CCNH: variants seen among roughly 807,000 people sequenced by gnomAD.
CCNH encodes the protein cyclin H.
A neutral mutation model predicts 41.9 loss-of-function variants in CCNH; 31 were observed. The ratio of observed to expected loss-of-function variants is 0.74; its 90% CI spans 0.56 to 1.00. CCNH has a LOEUF of 1.00. CCNH is among the 50% of genes least tolerant of loss of function. The pLI, the probability that CCNH is intolerant of heterozygous loss-of-function variation, is 0.00. For synonymous variants in CCNH, 138 were observed against 136.1 expected, an observed-to-expected ratio of 1.01 and a Z score of -0.10; for missense variants, 362 against 388.4, an observed-to-expected ratio of 0.93 and a Z score of 0.57.
upstream of CCNH, among the ~76,000 whole-genome samples, chr5:87,380,949 C>T (rs1161124561): frequency 6.6e-6 from 1 of 152,136 alleles, no homozygotes; most frequent in Non-Finnish European, 1.5e-5. Context: ...CAGTAATTGA[C>T]CGATTTAGAT....
intron 9 of CCNH, among the ~76,000 whole-genome samples, chr5:87,335,419 GTTTTT>G (rs34986349): frequency 4.1e-5 from 3 of 72,888 alleles, no homozygotes; most frequent in African/African-American, 1.1e-4. Context: ...AAAGAATGAG[GTTTTT>G]TTTTTTTTTT....
downstream of CCNH, chr5:87,394,154 T>TA (rs898862560): frequency 2.2e-5 from 17 of 758,318 alleles, no homozygotes; most frequent in South Asian, 5.5e-5. Context: ...GTGCCTTTTT[T>TA]AAAAAAAGCA....
chr5:87,352,498 TA>T (rs1429022938), intron 9 of CCNH, among the ~76,000 whole-genome samples: 1 of 151,668 alleles, frequency 6.6e-6, no homozygotes, highest in Non-Finnish European at 1.5e-5. Flanking sequence ...ACTTTATATT[TA>T]AAAAAATACG....
intron 9 of CCNH, chr5:87,383,678 T>TAAAAA: frequency 1.5e-6 from 2 of 1,319,658 alleles, no homozygotes; most frequent in Non-Finnish European, 1.0e-6. Context: ...AGGTGTTTTC[T>TAAAAA]AAAAAAAAAA....
Position 87,403,464 on chromosome 5 carries a change from G to A in CCNH, c.689+1380C>T, listed in dbSNP as rs3093810. Among the ~76,000 whole-genome samples, 403 of 152,202 alleles carry A rather than the reference G, an allele frequency of 2.6e-3. 4 individuals are homozygous for A. Among genetic ancestry groups the A allele is most frequent in the East Asian group, 7.7e-3 (40 of 5,186 alleles). On this transcript the variant is annotated intron_variant, in intron 5 of 8. Transcript: ENST00000256897. The stretch of plus-strand genomic sequence containing the variant: ...TGGTTATTTGAATTGTGGAAAAGAG[G>A]ACTTTTGTTCCCTTACAGAATGAAG...
chr5:87,378,326 C>T (rs1580390290), upstream of CCNH: 2 of 1,551,746 alleles, frequency 1.3e-6, no homozygotes, highest in East Asian at 2.3e-5. Flanking sequence ...AATGAATTCA[C>T]TTAATTTCCA....
chr5:87,384,832 GTCC>G (rs1761957381), intron 9 of CCNH, among the ~76,000 whole-genome samples: 1 of 151,986 alleles, frequency 6.6e-6, no homozygotes, highest in Non-Finnish European at 1.5e-5. Context: ...TAAAGCAGAG[GTCC>G]TAGACTTTAT....
chr5:87,339,176 G>T (rs1437629437), intron 9 of CCNH, among the ~76,000 whole-genome samples: 2 of 151,868 alleles, frequency 1.3e-5, no homozygotes, highest in Non-Finnish European at 2.9e-5. Flanking sequence ...GGAGAATATT[G>T]TTTTTTCCTA....
intron 9 of CCNH, among the ~76,000 whole-genome samples, chr5:87,345,857 C>T (rs936899650): frequency 2.6e-5 from 4 of 151,938 alleles, no homozygotes; most frequent in Admixed American, 6.6e-5. Context: ...GATAGGTGAT[C>T]GGGAATTGTC....
rs1410002605 is a variant in CCNH at position 87,408,013 on chromosome 5, G to A, written c.488C>T (p.Pro163Leu). The change falls in exon 4 of 9, where the codon CCT becomes CTT. Residue 163 changes from proline (P) to leucine (L), a missense_variant. Pro to Leu is a moderately conservative substitution (Grantham distance 98). Coordinates refer to ENST00000256897, the MANE Select transcript of CCNH (RefSeq NM_001239.4). ...GAGGAAGCCCTCAAATGGTCTGTAAGGATTGTGGACAATAAGGTGGAAATT... is the reference window on the plus strand; with the variant it reads ...GAGGAAGCCCTCAAATGGTCTGTAAAGATTGTGGACAATAAGGTGGAAATT... The part of the protein sequence containing the change: ...QLNFHLIVHN[P>L]YRPFEGFLID... 8 of 1,613,712 alleles carry A rather than the reference G, an allele frequency of 5.0e-6. No individual in the cohort carries two copies. Among genetic ancestry groups the A allele is most frequent in the Non-Finnish European group, 6.8e-6 (8 of 1,179,596 alleles).
downstream of CCNH, chr5:87,392,192 G>T: frequency 2.2e-6 from 1 of 449,296 alleles, no homozygotes; most frequent in South Asian, 1.6e-5. Context: ...AACCCAAGGA[G>T]GTGTTCCCAC....
intron 9 of CCNH, among the ~76,000 whole-genome samples, chr5:87,386,094 C>A (rs1465988470): frequency 6.6e-6 from 1 of 152,000 alleles, no homozygotes; most frequent in Non-Finnish European, 1.5e-5. Flanking sequence ...TGCCAGAACT[C>A]ATTGGGTACT....
intron 9 of CCNH, among the ~76,000 whole-genome samples, chr5:87,386,493 C>T (rs776868330): frequency 3.9e-5 from 6 of 151,958 alleles, no homozygotes; most frequent in Non-Finnish European, 7.4e-5. Context: ...TATATATAAA[C>T]AATTTGTGTC....
chr5:87,371,624 C>T (rs778038444), downstream of CCNH, among the ~76,000 whole-genome samples: 1 of 151,930 alleles, frequency 6.6e-6, no homozygotes, highest in Admixed American at 6.6e-5. Flanking sequence ...ACATTTCTAC[C>T]TGTATCATGG....
intron 9 of CCNH, chr5:87,331,224 G>C (rs1209511762): frequency 9.0e-7 from 1 of 1,108,018 alleles, no homozygotes; most frequent in Non-Finnish European, 1.4e-6. Flanking sequence ...CTGGTTCAGA[G>C]TAAAATGTAA....
chr5:87,358,580 T>G (rs1173728046), intron 9 of CCNH, among the ~76,000 whole-genome samples: 1 of 152,254 alleles, frequency 6.6e-6, no homozygotes, highest in Non-Finnish European at 1.5e-5. Flanking sequence ...TGTCCCCTTA[T>G]GCTGCATGCT....
At chr5:87,411,005 AT>A (rs1016839695) in intron 2 of CCNH, among the ~76,000 whole-genome samples, 1 of 152,136 alleles carries the variant, frequency 6.6e-6, no homozygotes, top group South Asian at 2.1e-4. Flanking sequence ...CTGACCTCAA[AT>A]TTTTTTCTGA....
chr5:87,347,219 C>T lies in CCNH; in HGVS notation c.*91-28322G>A, dbSNP rs115689658. 7.3e-3 allele frequency among the ~76,000 whole-genome samples: 1,107 copies of T among 152,022 alleles called. 11 individuals are homozygous for T. Among genetic ancestry groups the T allele is most frequent in the Middle Eastern group, 0.031 (9 of 292 alleles). On this transcript the variant is annotated intron_variant and NMD_transcript_variant, in intron 9 of 9. Coordinates refer to the CCNH transcript ENST00000645953. The stretch of plus-strand genomic sequence containing the variant: ...ATATTGTATTGTTTTTATTCTTTTG[C>T]TGTTCAGCTACAGCAGACATTCTTG...
intron 6 of CCNH, 49 bp downstream of exon 6, chr5:87,401,653 G>T: frequency 9.1e-7 from 1 of 1,104,940 alleles, no homozygotes; most frequent in South Asian, 1.4e-5. Context: ...ATTTAGAAAG[G>T]AGCTTTGTAT....
Sources: allele counts gnomAD v4.1 joint callset (sites outside exome capture counted in the v4.1 genomes callset), GRCh38; gene constraint gnomAD v4.1.1; transcripts MANE v1.5; gene names NCBI Gene and HGNC (gene_info 2026-07-23, HGNC 2026-07-21).